The following LMF1 variants were observed in gnomAD, a reference collection of about 807,000 sequenced individuals.
LMF1 encodes the protein transmembrane protein 112.
A neutral mutation model predicts 60.6 loss-of-function variants in LMF1; 68 were observed. The ratio of observed to expected loss-of-function variants is 1.12; its 90% CI spans 0.92 to 1.37. The LOEUF (loss-of-function observed/expected upper bound fraction) is 1.37. Ranked by LOEUF, LMF1 falls within the 40% of genes most tolerant of loss-of-function variation. The pLI is 0.00. For synonymous variants in LMF1, 418 were observed against 324.7 expected, an observed-to-expected ratio of 1.29 and a Z score of -3.09; for missense variants, 948 against 767.2, an observed-to-expected ratio of 1.24 and a Z score of -2.78.
chr16:876,240 C>T (rs143903736), intron 6 of LMF1, among the ~76,000 whole-genome samples: 30 of 152,226 alleles, frequency 2.0e-4, no homozygotes, highest in Admixed American at 3.3e-4. Flanking sequence ...CGCGCGGCCG[C>T]GGAGGGCAGG....
chr16:855,667 A>T (rs1177606432), intron 10 of LMF1: 2 of 455,290 alleles, frequency 4.4e-6, no homozygotes, highest in African/African-American at 2.0e-5. Context: ...GCTGGGATCC[A>T]TGGCAGAGCT....
At chr16:854,849 A>T (rs1361056046) in intron 10 of LMF1, 143 bp from the exon 11 acceptor site, 1 of 764,680 alleles carries the variant, frequency 1.3e-6, no homozygotes, top group East Asian at 2.7e-5. Flanking sequence ...CCCTGAGCAC[A>T]GGTAGACCCC....
At chr16:857,174 G>T (rs2069211148) in intron 10 of LMF1, among the ~76,000 whole-genome samples, 1 of 152,256 alleles carries the variant, frequency 6.6e-6, no homozygotes, top group South Asian at 2.1e-4. Context: ...CTTGTGGAAG[G>T]ACAGCTGAGC....
chr16:969,415 G>C (rs1367195338), intron 1 of LMF1, among the ~76,000 whole-genome samples: 2 of 152,216 alleles, frequency 1.3e-5, no homozygotes, highest in South Asian at 4.1e-4. Context: ...AGGAAACCTT[G>C]TAGTGATGAG....
intron 3 of LMF1, among the ~76,000 whole-genome samples, chr16:913,903 G>A (rs1430265008): frequency 2.0e-5 from 3 of 152,216 alleles, no homozygotes; most frequent in Non-Finnish European, 2.9e-5. Flanking sequence ...CCGACACCCC[G>A]ACAGGGATTC....
At chr16:963,386 G>T (rs2072854324) in intron 1 of LMF1, among the ~76,000 whole-genome samples, 3 of 152,104 alleles carry the variant, frequency 2.0e-5, no homozygotes. Context: ...ACATGCCCAT[G>T]TGTCCCTGTG....
At chr16:866,340 T>C (rs887546659) in intron 10 of LMF1, among the ~76,000 whole-genome samples, 8 of 152,218 alleles carry the variant, frequency 5.3e-5, no homozygotes, top group African/African-American at 1.9e-4. Flanking sequence ...CCTTGTTGTT[T>C]CTGGGTAGGG....
chr16:885,031 G>A (rs2070266799), intron 5 of LMF1: 1 of 152,258 alleles, frequency 6.6e-6, no homozygotes, highest in South Asian at 2.1e-4. Flanking sequence ...CCAATTGAAT[G>A]AAATGTCTCT....
chr16:891,011 C>T (rs2070471243), intron 5 of LMF1, among the ~76,000 whole-genome samples: 1 of 152,224 alleles, frequency 6.6e-6, no homozygotes, highest in South Asian at 2.1e-4. Context: ...CAGAGCACTC[C>T]TCACAAACAG....
intron 2 of LMF1, among the ~76,000 whole-genome samples, chr16:935,034 G>A (rs754823250): frequency 2.0e-5 from 3 of 152,212 alleles, no homozygotes; most frequent in East Asian, 1.9e-4. Flanking sequence ...TTGTGGACAC[G>A]AAATGTACGG....
intron 1 of LMF1, chr16:979,545 G>A (rs1389517450): frequency 1.9e-5 from 8 of 430,572 alleles, no homozygotes; most frequent in Non-Finnish European, 3.7e-5. Flanking sequence ...GTCAGGGCCT[G>A]GATGCCACTC....
chr16:916,042 G>A (rs773675644), intron 3 of LMF1, among the ~76,000 whole-genome samples: 5 of 152,196 alleles, frequency 3.3e-5, no homozygotes, highest in Admixed American at 6.5e-5. Context: ...GGTAGCCTCC[G>A]GCAAAGGGAG....
chr16:856,873 G>A (rs2069199215), intron 10 of LMF1, among the ~76,000 whole-genome samples: 5 of 152,136 alleles, frequency 3.3e-5, no homozygotes, highest in Admixed American at 2.6e-4. Flanking sequence ...ATCTTGCACA[G>A]CTATAGTAGG....
intron 1 of LMF1, among the ~76,000 whole-genome samples, chr16:959,384 GAC>G (rs1414661775): frequency 6.6e-6 from 1 of 152,188 alleles, no homozygotes; most frequent in Non-Finnish European, 1.5e-5. Flanking sequence ...AGGGACGGGA[GAC>G]AGACCCGGGC....
At chr16:894,409 C>T in intron 4 of LMF1, among the ~76,000 whole-genome samples, 2 of 132,472 alleles carry the variant, frequency 1.5e-5, no homozygotes, top group African/African-American at 5.9e-5. Context: ...GTCCACTGGA[C>T]CGTCCGTCGA....
In LMF1 at chr16:853,773, C is replaced by T; in HGVS notation, c.*759G>A. ...ATGAAAGTGTGCACGGCCGGCTGTC[C>T]TCCGATTGAGGGGCCTTGTCAAGGC... is the stretch of plus-strand genomic sequence containing the variant. On this transcript the variant is annotated 3_prime_UTR_variant, in exon 11 of 11. Transcript: ENST00000262301. 4.4e-6 allele frequency: 2 copies of T among 454,130 alleles called. No homozygotes were observed. Among genetic ancestry groups the T allele is most frequent in the South Asian group, 1.6e-5 (1 of 64,482 alleles). 28.1% of individuals were successfully genotyped at this position (454,130 alleles called of 1,614,324 possible). A position where few individuals can be genotyped will look rare whatever the true frequency, so the allele number is the denominator to read the frequency against.
At chr16:913,017 C>G (rs944409136) in intron 3 of LMF1, among the ~76,000 whole-genome samples, 7 of 152,222 alleles carry the variant, frequency 4.6e-5, no homozygotes, top group African/African-American at 1.7e-4. Context: ...CGGCAACACG[C>G]AGGGCCACAG....
intron 1 of LMF1, among the ~76,000 whole-genome samples, chr16:978,195 A>G (rs2073228379): frequency 6.7e-6 from 1 of 149,772 alleles, no homozygotes; most frequent in African/African-American, 2.5e-5. Context: ...CCACACACAT[A>G]CATCACACAC....
intron 1 of LMF1, among the ~76,000 whole-genome samples, chr16:963,230 G>T (rs902760609): frequency 3.3e-5 from 5 of 152,100 alleles, no homozygotes; most frequent in African/African-American, 1.2e-4. Context: ...TCCACCACTG[G>T]GTGGAAGGGA....
Sources: gnomAD v4.1 joint callset for allele counts (sites outside exome capture counted in the v4.1 genomes callset) on GRCh38, gnomAD v4.1.1 for gene constraint, MANE v1.5 for transcripts, NCBI Gene and HGNC (gene_info 2026-07-23, HGNC 2026-07-21) for gene names.